The following RNF207 variants were observed in gnomAD, a reference collection of about 807,000 sequenced individuals.
RNF207 encodes ring finger protein 207.
Under a neutral mutation model 79.0 loss-of-function variants are expected in RNF207, and 72 were observed. The observed-to-expected ratio is 0.91, with a 90% confidence interval of 0.75 to 1.11. The LOEUF (loss-of-function observed/expected upper bound fraction) is 1.11. Among genes scored for constraint, RNF207 ranks in the 50% least tolerant of loss-of-function variants. The probability of loss-of-function intolerance (pLI) is 0.00; values close to 1 mark genes in which losing one functional copy is unlikely to be tolerated. For missense variants in RNF207, 936 were observed against 855.8 expected, an observed-to-expected ratio of 1.09 and a Z score of -1.17; for synonymous variants, 348 against 366.2, an observed-to-expected ratio of 0.95 and a Z score of 0.57.
In RNF207 at chr1:6,219,484, T is replaced by A; in HGVS notation, c.*77T>A. On this transcript the variant is annotated 3_prime_UTR_variant, in exon 18 of 18. Transcript: ENST00000377939. Reference sequence around the variant, plus strand: ...GACACTGGACAGAAGGTTGTTCCCATGATGGTTTTTTTTATTTTTTATTTT... The same window carrying A: ...GACACTGGACAGAAGGTTGTTCCCAAGATGGTTTTTTTTATTTTTTATTTT... 2 of 1,104,056 alleles carry A rather than the reference T, an allele frequency of 1.8e-6. No homozygotes were observed. The highest frequency in any genetic ancestry group is 2.5e-6 in the Non-Finnish European group (2 of 788,436). The allele number at this position is 1,104,056 out of a possible 1,614,324, so 68.4% of individuals were successfully genotyped here.
chr1:6,218,297 C>G lies in RNF207; in HGVS notation c.1661C>G (p.Ala554Gly). 1 of 1,613,648 alleles carries G rather than the reference C, an allele frequency of 6.2e-7. No individual in the cohort carries two copies. The highest frequency in any genetic ancestry group is 8.5e-7 in the Non-Finnish European group (1 of 1,179,560). Residue 554 changes from alanine to glycine, a missense_variant, in exon 17 of 18, where the codon GCA becomes GGA. Physicochemically the swap from Ala to Gly is moderately conservative, Grantham distance 60. Transcript: ENST00000377939. ...GCCCACTCCCTTGCCAGGTTTCAGG[C>G]ACCCGTGGATGAGCAGTCAGAGAGT... ...VKERLEPRFQ[A>G]PVDEQSESLQ... is the part of the protein sequence containing the mutation.
In RNF207 at chr1:6,221,255, A is replaced by C. The variant is rs971672181; in HGVS notation, c.*1848A>C. 6.6e-6 allele frequency: 1 copy of C among 152,650 alleles called. No individual in the cohort carries two copies. Among genetic ancestry groups the C allele is most frequent in the African/African-American group, 2.4e-5 (1 of 41,468 alleles). 9.5% of individuals were successfully genotyped at this position (152,650 alleles called of 1,614,324 possible). ...AAAGAATAATCAGTATCTGTGAAAG[A>C]AAATCCAATTTAGAATATTTAAATA... is the stretch of plus-strand genomic sequence containing the variant. On this transcript the variant is annotated 3_prime_UTR_variant, in exon 18 of 18. Coordinates refer to ENST00000377939, the MANE Select transcript of RNF207 (RefSeq NM_207396.3).
chr1:6,213,588 C>T (rs746628396), intron 16 of RNF207, among the ~76,000 whole-genome samples: 14 of 152,056 alleles, frequency 9.2e-5, no homozygotes, highest in Non-Finnish European at 2.1e-4. Flanking sequence ...GACAAGGTGC[C>T]GGACATTTGC....
At chr1:6,208,366 T>A (rs115478570) in intron 3 of RNF207, 5,894 of 154,086 alleles carry the variant, frequency 0.038, 147 homozygotes, top group African/African-American at 0.069. Context: ...TCGCCCAGGC[T>A]GGAGTGCAGT....
intron 15 of RNF207, 120 bp downstream of exon 15, chr1:6,212,853 C>A: frequency 2.2e-6 from 2 of 922,878 alleles, no homozygotes; most frequent in Admixed American, 1.8e-5. Flanking sequence ...TTCCCCTTAG[C>A]GCTTGACCGT....
intron 10 of RNF207, chr1:6,210,660 C>T (rs1349573249): frequency 1.1e-5 from 7 of 638,788 alleles, no homozygotes; most frequent in East Asian, 1.1e-4. Context: ...CCCCGTGGGG[C>T]GGAGTGACCA....
Position 6,206,698 on chromosome 1 carries a change from G to T in RNF207, c.163G>T (p.Asp55Tyr). 1 of 1,602,210 alleles carries T rather than the reference G, an allele frequency of 6.2e-7. No homozygotes were observed. Among genetic ancestry groups the T allele is most frequent in the Non-Finnish European group, 8.5e-7 (1 of 1,179,426 alleles). Residue 55 changes from aspartate (D) to tyrosine (Y), a missense_variant, in exon 2 of 18, where the codon GAC becomes TAC. Asp to Tyr is a radical substitution (Grantham distance 160). Coordinates refer to ENST00000377939, the MANE Select transcript of RNF207 (RefSeq NM_207396.3). ...CGGCTGCCTGCGTGGCCGCGCGACC[G>T]ACGGCCGCCTCACCTGCCCGCTGTG... ...CAGCLRGRAT[D>Y]GRLTCPLCQH...
rs993659031 is a variant in RNF207, at chr1:6,216,953, G to A, written c.1653-1336G>A. ...GGCTCAATCACAGCTCACTGCAGCC[G>A]CGATCTCCCAGGCTCAATCAATCCT... On this transcript the variant is annotated intron_variant, in intron 16 of 17. Coordinates refer to ENST00000377939, the MANE Select transcript of RNF207 (RefSeq NM_207396.3). 5.3e-5 allele frequency among the ~76,000 whole-genome samples: 8 copies of A among 151,446 alleles called. 1 individual carries two copies. In the South Asian group the frequency reaches 6.3e-4, roughly 12 times the overall value.
chr1:6,212,203 C>G, intron 13 of RNF207, 28 bp from the exon 14 acceptor site: 2 of 1,598,112 alleles, frequency 1.3e-6, no homozygotes, highest in Non-Finnish European at 1.7e-6. Context: ...TAGGGTGACC[C>G]ACGCTCTCAC....
Position 6,211,170 on chromosome 1 carries a change from G to C in RNF207, c.1109+52G>C, listed in dbSNP as rs758850579. ...ACAAGGTCCCCAACACTGGGGTGTG[G>C]GGGAGGGTGGGCGCTGAGGGGCCAG... On this transcript the variant is annotated intron_variant, in intron 12 of 17. Coordinates refer to ENST00000377939, the MANE Select transcript of RNF207 (RefSeq NM_207396.3). The surrounding 1 kb of genome is among the most constrained non-coding windows in gnomAD (Gnocchi z 4.2). 2.3e-6 allele frequency: 3 copies of C among 1,299,512 alleles called. No homozygotes were observed. Among genetic ancestry groups the C allele is most frequent in the Non-Finnish European group, 2.1e-6 (2 of 942,386 alleles). 80.5% of individuals were successfully genotyped at this position (1,299,512 alleles called of 1,614,324 possible).
At chr1:6,208,859 T>C (rs1668022941) in intron 3 of RNF207, 22 bp from the exon 4 acceptor site, 6 of 1,521,078 alleles carry the variant, frequency 3.9e-6, no homozygotes, top group African/African-American at 1.4e-5. Context: ...CTGGCGCTCC[T>C]GAGCCCGCGC....
chr1:6,219,273 A>G lies in RNF207; in HGVS notation c.1771A>G (p.Thr591Ala). ...AAGTGTCCCGGAAAAGAGAGAGAAG[A>G]CATCAGAGCCTAAAGGAAACAGCTG... ...PGSVPEKREKTSEPKGNSWAP... is the reference protein window; with the variant it reads ...PGSVPEKREKASEPKGNSWAP... Residue 591 changes from threonine (T) to alanine (A), a missense_variant, in exon 18 of 18, where the codon ACA (threonine) becomes GCA (alanine). Thr to Ala is a moderately conservative substitution (Grantham distance 58, BLOSUM62 0). Transcript: ENST00000377939. The G allele has an allele frequency of 6.2e-7, 1 of 1,612,660 alleles. No individual in the cohort carries two copies. Among genetic ancestry groups the G allele is most frequent in the Non-Finnish European group, 8.5e-7 (1 of 1,179,466 alleles).
At position 6,209,515 on chromosome 1, in the gene RNF207, C is replaced by A. The variant is rs755086011; in HGVS notation, c.729C>A (p.Ile243=). ...GCGCCGCCGAGGAGGAGGACGCTAT[C>A]CACGCCCTCTTCGGCAGCATGCAGG... ...RHSAAEEEDA[I]HALFGSMQDR... Residue 243 remains isoleucine, a synonymous_variant, in exon 7 of 18, where the codon ATC becomes ATA. Transcript: ENST00000377939. 3 of 1,471,752 alleles carry A rather than the reference C, an allele frequency of 2.0e-6. No individual in the cohort carries two copies. The South Asian group carries it at 4.3e-5, about 21-fold the overall frequency. 91.2% of individuals were successfully genotyped at this position (1,471,752 alleles called of 1,614,324 possible). A position where few individuals can be genotyped will look rare whatever the true frequency, so the allele number is the denominator to read the frequency against.
chr1:6,206,343 G>C (rs1667897118), intron 1 of RNF207, 41 bp downstream of exon 1: 1 of 576,772 alleles, frequency 1.7e-6, no homozygotes, highest in Non-Finnish European at 3.0e-6. Flanking sequence ...CTCACTGCCT[G>C]TTCTCCCTGC....
chr1:6,212,575 G>T, intron 14 of RNF207, 107 bp from the exon 15 acceptor site: 1 of 1,260,262 alleles, frequency 7.9e-7, no homozygotes, highest in South Asian at 1.2e-5. Context: ...GGAACCACGT[G>T]GACCTGGCTG....
At position 6,206,680 on chromosome 1, in the gene RNF207, C is replaced by T. The variant is rs781740903; in HGVS notation, c.145C>T (p.Leu49=). The T allele has an allele frequency of 5.0e-5, 80 of 1,605,166 alleles. No individual in the cohort carries two copies. Among genetic ancestry groups the T allele is most frequent in the Non-Finnish European group, 6.4e-5 (76 of 1,179,784 alleles). The stretch of plus-strand genomic sequence containing the variant: ...TTTCCACGACTTCTGTGCCGGCTGC[C>T]TGCGTGGCCGCGCGACCGACGGCCG... ...DCFHDFCAGC[L]RGRATDGRLT... Residue 49 remains leucine (L), a synonymous_variant, in exon 2 of 18, where the codon CTG becomes TTG. Transcript: ENST00000377939.
At chr1:6,210,606 T>C in intron 10 of RNF207, 168 bp downstream of exon 10, 1 of 636,580 alleles carries the variant, frequency 1.6e-6, no homozygotes, top group Non-Finnish European at 2.7e-6. Flanking sequence ...AGGGTCACTG[T>C]TACAAGGACA....
At chr1:6,208,792 C>A in intron 3 of RNF207, 89 bp from the exon 4 acceptor site, 1 of 1,368,010 alleles carries the variant, frequency 7.3e-7, no homozygotes, top group Non-Finnish European at 9.7e-7. Flanking sequence ...ACGGCTGGGA[C>A]AAACACGCGC....
chr1:6,221,283 C>T lies in RNF207; in HGVS notation c.*1876C>T, dbSNP rs1461714893. ...ATCCAATTTAGAATATTTAAATAAA[C>T]ATTTATGTAAAAAGAAGAGTAGAAT... On this transcript the variant is annotated 3_prime_UTR_variant, in exon 18 of 18. Transcript: ENST00000377939. The T allele has an allele frequency of 3.9e-5, 6 of 152,612 alleles. No individual in the cohort carries two copies. The highest frequency in any genetic ancestry group is 4.4e-5 in the Non-Finnish European group (3 of 68,032). The allele number at this position is 152,612 out of a possible 1,614,324, so 9.5% of individuals were successfully genotyped here. A position where few individuals can be genotyped will look rare whatever the true frequency, so the allele number is the denominator to read the frequency against.
Sources: allele counts gnomAD v4.1 joint callset (sites outside exome capture counted in the v4.1 genomes callset), GRCh38; gene constraint gnomAD v4.1.1; non-coding constraint Gnocchi (gnomAD v3.1); transcripts MANE v1.5; gene names NCBI Gene and HGNC (gene_info 2026-07-23, HGNC 2026-07-21).